P2RY14: variants seen among roughly 807,000 people sequenced by gnomAD.
The protein encoded by P2RY14 is purinergic receptor P2Y14.
A neutral mutation model predicts 0.9 loss-of-function variants in P2RY14; 2 were observed. The ratio of observed to expected loss-of-function variants is 2.16; its 90% CI spans 0.88 to 6.79. The LOEUF (loss-of-function observed/expected upper bound fraction) is 6.79. P2RY14 is among the 30% of genes most tolerant of loss of function. P2RY14 has a pLI of 0.05. For synonymous variants in P2RY14, 158 were observed against 147.2 expected (o/e 1.07, Z -0.53); for missense variants, 378 against 400.1 (o/e 0.94, Z 0.47).
chr3:151,243,181 G>A (rs1439627473), intron 1 of P2RY14, among the ~76,000 whole-genome samples: 1 of 152,012 alleles, frequency 6.6e-6, no homozygotes, highest in Non-Finnish European at 1.5e-5. Context: ...AACCAAGTTG[G>A]AAAACACTCT....
intron 1 of P2RY14, among the ~76,000 whole-genome samples, chr3:151,245,855 G>T (rs1453834795): frequency 2.6e-5 from 4 of 151,410 alleles, no homozygotes; most frequent in Admixed American, 1.3e-4. Context: ...CGACATGATT[G>T]TATATCTAGA....
intron 1 of P2RY14, among the ~76,000 whole-genome samples, chr3:151,270,435 C>A (rs770594646): frequency 2.6e-5 from 4 of 152,086 alleles, no homozygotes; most frequent in Non-Finnish European, 5.9e-5. Flanking sequence ...ACTGAACTCT[C>A]TGGGGAAAAA....
intron 1 of P2RY14, chr3:151,269,365 A>C (rs1287367103): frequency 6.1e-6 from 1 of 163,508 alleles, no homozygotes; most frequent in Non-Finnish European, 1.3e-5. Context: ...GTGCCATTGC[A>C]CTCCAGCCTG....
At chr3:151,218,680 A>G (rs1208631153) in intron 2 of P2RY14, among the ~76,000 whole-genome samples, 1 of 151,974 alleles carries the variant, frequency 6.6e-6, no homozygotes, top group Non-Finnish European at 1.5e-5. Context: ...CAGCCTGGCC[A>G]ACATGATGAA....
intron 1 of P2RY14, among the ~76,000 whole-genome samples, chr3:151,248,617 A>G (rs1316215217): frequency 6.6e-6 from 1 of 152,170 alleles, no homozygotes; most frequent in Non-Finnish European, 1.5e-5. Flanking sequence ...GAATTTCCTA[A>G]TGCCTAATGT....
intron 1 of P2RY14, among the ~76,000 whole-genome samples, chr3:151,230,980 G>A (rs1577048699): frequency 6.6e-6 from 1 of 152,152 alleles, no homozygotes; most frequent in East Asian, 1.9e-4. Context: ...AGAAAGCAAG[G>A]AAGTGCTCAG....
At chr3:151,244,493 TG>T (rs1274038073) in intron 1 of P2RY14, among the ~76,000 whole-genome samples, 1 of 147,630 alleles carries the variant, frequency 6.8e-6, no homozygotes, top group Non-Finnish European at 1.5e-5. Flanking sequence ...ACATGGAAAC[TG>T]AACAACCTGC....
chr3:151,248,248 A>T (rs987209479), intron 1 of P2RY14, among the ~76,000 whole-genome samples: 1 of 152,130 alleles, frequency 6.6e-6, no homozygotes, highest in African/African-American at 2.4e-5. Context: ...AACAGCAACT[A>T]TGAGACCTAT....
chr3:151,274,550 G>A lies in P2RY14; in HGVS notation c.-133+3737C>T, dbSNP rs1039647208. On this transcript the variant is annotated intron_variant, in intron 1 of 2. Coordinates refer to ENST00000309170, the MANE Select transcript of P2RY14 (RefSeq NM_014879.4). Reference sequence around the variant, plus strand: ...AGGCCACCTCCTAGGACATTTAACTGAACTAAGTATCATTTTTCATATTCT... The same window carrying A: ...AGGCCACCTCCTAGGACATTTAACTAAACTAAGTATCATTTTTCATATTCT... 4.6e-5 allele frequency among the ~76,000 whole-genome samples: 7 copies of A among 152,182 alleles called. No homozygotes were observed. The East Asian group carries it at 5.8e-4, about 13-fold the overall frequency.
intron 1 of P2RY14, among the ~76,000 whole-genome samples, chr3:151,222,780 CA>C (rs1435559826): frequency 2.6e-5 from 4 of 152,224 alleles, no homozygotes; most frequent in Admixed American, 2.6e-4. Context: ...TTTTTTCCCC[CA>C]GATCCTGTGC....
chr3:151,268,279 A>G (rs1456482797), intron 1 of P2RY14, among the ~76,000 whole-genome samples: 1 of 152,078 alleles, frequency 6.6e-6, no homozygotes, highest in Non-Finnish European at 1.5e-5. Context: ...GTCAGTTTTC[A>G]ACAGAGCTGC....
chr3:151,244,171 GAC>G (rs201357026), intron 1 of P2RY14, among the ~76,000 whole-genome samples: 3,046 of 134,920 alleles, frequency 0.023, 133 homozygotes, highest in African/African-American at 0.076. Flanking sequence ...AATAATGGGA[GAC>G]TTTAACATCC....
chr3:151,247,461 A>G (rs900316821), intron 1 of P2RY14, among the ~76,000 whole-genome samples: 1 of 151,864 alleles, frequency 6.6e-6, no homozygotes, highest in Admixed American at 6.6e-5. Flanking sequence ...TGTCCTTTGT[A>G]GGGACATGGA....
chr3:151,237,388 C>T (rs528427629), intron 1 of P2RY14, among the ~76,000 whole-genome samples: 5 of 104,606 alleles, frequency 4.8e-5, no homozygotes, highest in South Asian at 3.5e-4. Flanking sequence ...TTACTCTTGT[C>T]GCCCAAGCTG....
intron 1 of P2RY14, among the ~76,000 whole-genome samples, chr3:151,261,783 G>T (rs1738958708): frequency 6.6e-6 from 1 of 152,080 alleles, no homozygotes; most frequent in African/African-American, 2.4e-5. Context: ...ACAGTGCAGT[G>T]GTATGATCTT....
At position 151,214,153 on chromosome 3, in the gene P2RY14, C is replaced by A; in HGVS notation, c.164G>T (p.Ser55Ile). 1 of 1,614,148 alleles carries A rather than the reference C, an allele frequency of 6.2e-7. No homozygotes were observed. The highest frequency in any genetic ancestry group is 8.5e-7 in the Non-Finnish European group (1 of 1,180,002). Residue 55 changes from serine to isoleucine, a missense_variant, in exon 3 of 3, where the codon AGT (serine) becomes ATT (isoleucine). Ser to Ile is a moderately radical substitution (Grantham distance 142, BLOSUM62 -2). Transcript: ENST00000309170. ...AATGTTCTTGAGATAGATGATGAAA[C>A]TCTTAGAGCTGGGCACGTAAAAGAA... is the stretch of plus-strand genomic sequence containing the variant. ...WIFFYVPSSKSFIIYLKNIVI... is the reference protein window; with the variant it reads ...WIFFYVPSSKIFIIYLKNIVI...
intron 1 of P2RY14, among the ~76,000 whole-genome samples, chr3:151,268,220 C>T (rs1740207122): frequency 6.6e-6 from 1 of 151,516 alleles, no homozygotes; most frequent in Non-Finnish European, 1.5e-5. Context: ...TAGAAAATGT[C>T]TCTTGAGAGT....
chr3:151,214,541 C>CCCT (rs1469066391), intron 2 of P2RY14, among the ~76,000 whole-genome samples: 2 of 151,850 alleles, frequency 1.3e-5, no homozygotes, highest in Non-Finnish European at 2.9e-5. Context: ...TTTCTCCTTT[C>CCCT]CCTCCCTCTT....
At chr3:151,255,353 T>A (rs1737620843) in intron 1 of P2RY14, among the ~76,000 whole-genome samples, 1 of 152,062 alleles carries the variant, frequency 6.6e-6, no homozygotes, top group Admixed American at 6.6e-5. Flanking sequence ...TTTGCCATAG[T>A]TCAAAAGTTG....
Sources: allele counts gnomAD v4.1 joint callset (sites outside exome capture counted in the v4.1 genomes callset), GRCh38; gene constraint gnomAD v4.1.1; transcripts MANE v1.5; gene names NCBI Gene and HGNC (gene_info 2026-07-23, HGNC 2026-07-21).